The following PTTG1IP variants were observed in gnomAD, a reference collection of about 807,000 sequenced individuals.
The protein encoded by PTTG1IP is pituitary tumor-transforming gene 1 protein-interacting protein.
Under a neutral mutation model 24.4 loss-of-function variants are expected in PTTG1IP, and 16 were observed. The ratio of observed to expected loss-of-function variants is 0.66; its 90% CI spans 0.44 to 1.00. The LOEUF (loss-of-function observed/expected upper bound fraction) is 1.00, where lower values mean the gene tolerates loss of function less well. PTTG1IP is among the 50% of genes least tolerant of loss of function. The probability of loss-of-function intolerance (pLI) is 0.00; values close to 1 mark genes in which losing one functional copy is unlikely to be tolerated. For synonymous variants in PTTG1IP, 89 were observed against 96.8 expected, an observed-to-expected ratio of 0.92 and a Z score of 0.47; for missense variants, 241 against 245.8, an observed-to-expected ratio of 0.98 and a Z score of 0.13.
At chr21:44,860,478 G>A (rs982099040) in intron 3 of PTTG1IP, among the ~76,000 whole-genome samples, 4 of 151,786 alleles carry the variant, frequency 2.6e-5, no homozygotes, top group Non-Finnish European at 5.9e-5. Context: ...AAAGAGGGCT[G>A]TCTACGCAAG....
At chr21:44,859,221 A>G (rs564524323) in intron 3 of PTTG1IP, among the ~76,000 whole-genome samples, 11 of 152,210 alleles carry the variant, frequency 7.2e-5, no homozygotes, top group Admixed American at 5.2e-4. Flanking sequence ...CTCCACATAA[A>G]GGCGGGAACC....
At chr21:44,856,627 C>A (rs1164934040) in intron 3 of PTTG1IP, among the ~76,000 whole-genome samples, 2 of 152,144 alleles carry the variant, frequency 1.3e-5, no homozygotes, top group Non-Finnish European at 2.9e-5. Context: ...TAATATTAAC[C>A]ATAATGAACT....
rs1254448732 is a variant in PTTG1IP at position 44,851,244 on chromosome 21, G to C, written c.*337C>G. On this transcript the variant is annotated 3_prime_UTR_variant, in exon 6 of 6. Coordinates refer to ENST00000330938, the MANE Select transcript of PTTG1IP (RefSeq NM_004339.4). ...GAGAGAAACGCAGGGTTCTGCCCTG[G>C]GAGAATGACAGCCACAGCGCTGGGT... The C allele has an allele frequency of 8.3e-7, 1 of 1,205,464 alleles. No individual in the cohort carries two copies. Among genetic ancestry groups the C allele is most frequent in the Non-Finnish European group, 1.1e-6 (1 of 889,256 alleles). The allele number at this position is 1,205,464 out of a possible 1,614,324, so 74.7% of individuals were successfully genotyped here.
At chr21:44,864,849 T>G (rs2083522754) in intron 2 of PTTG1IP, among the ~76,000 whole-genome samples, 1 of 152,192 alleles carries the variant, frequency 6.6e-6, no homozygotes, top group African/African-American at 2.4e-5. Context: ...CTTAGGGAAC[T>G]TTGCTCCAGA....
chr21:44,851,424 G>A lies in PTTG1IP; in HGVS notation c.*157C>T, dbSNP rs1332932755. The A allele has an allele frequency of 1.3e-6, 2 of 1,591,914 alleles. No individual in the cohort carries two copies. Among genetic ancestry groups the A allele is most frequent in the South Asian group, 1.1e-5 (1 of 89,852 alleles). On this transcript the variant is annotated 3_prime_UTR_variant, in exon 6 of 6. Coordinates refer to ENST00000330938, the MANE Select transcript of PTTG1IP (RefSeq NM_004339.4). ...CACCAGTCTGCAAGACGAGAGGACT[G>A]TCCTTCAGGGGCAGCTCTCCGGCCG...
chr21:44,855,153 G>A (rs1375072552), intron 5 of PTTG1IP, 57 bp downstream of exon 5: 23 of 1,529,888 alleles, frequency 1.5e-5, no homozygotes, highest in Admixed American at 6.7e-5. Context: ...AACGAGGACC[G>A]AGACAGCGTG....
At chr21:44,854,670 C>T (rs114032698) in intron 5 of PTTG1IP, among the ~76,000 whole-genome samples, 218 of 152,354 alleles carry the variant, frequency 1.4e-3, no homozygotes, top group African/African-American at 5.0e-3. Context: ...AAGGTTTACA[C>T]TTGGCAAATA....
In PTTG1IP at chr21:44,851,268, G is replaced by A. The variant is rs575071352; in HGVS notation, c.*313C>T. 1.4e-4 allele frequency: 195 copies of A among 1,348,972 alleles called. 2 individuals carry two copies. In the South Asian group the frequency reaches 2.0e-3, roughly 14 times the overall value. The allele number at this position is 1,348,972 out of a possible 1,614,324, so 83.6% of individuals were successfully genotyped here. On this transcript the variant is annotated 3_prime_UTR_variant, in exon 6 of 6. Transcript: ENST00000330938. ...GGGAGAATGACAGCCACAGCGCTGG[G>A]TGCCGTCAGGCGGCTTCGTGTGCAG...
rs200693153 is a variant in PTTG1IP, at chr21:44,865,395, G to A, written c.168C>T (p.Ser56=). ...KTCEECLKNV[S]CLWCNTNKAC... ...GGTCTCTAGTCCACGTGCTACTTAC[G>A]GAGACGTTCTTCAGGCACTCTTCAC... Residue 56 remains serine, a splice_region_variant and synonymous_variant, in exon 2 of 6, where the codon TCC becomes TCT. Coordinates refer to ENST00000330938, the MANE Select transcript of PTTG1IP (RefSeq NM_004339.4). The A allele has an allele frequency of 6.3e-5, 101 of 1,613,980 alleles. No homozygotes were observed. Among genetic ancestry groups the A allele is most frequent in the Middle Eastern group, 3.3e-4 (2 of 6,082 alleles).
At chr21:44,870,441 A>G (rs1191832965) in intron 1 of PTTG1IP, among the ~76,000 whole-genome samples, 4 of 139,658 alleles carry the variant, frequency 2.9e-5, no homozygotes, top group African/African-American at 1.1e-4. Flanking sequence ...CAGGAGAATC[A>G]CTTGAACCTG....
Position 44,851,549 on chromosome 21 carries a change from A to G in PTTG1IP, c.*32T>C, listed in dbSNP as rs371684583. The G allele has an allele frequency of 4.5e-5, 73 of 1,613,318 alleles. 3 individuals are homozygous for G. The South Asian group carries it at 6.9e-4, about 15-fold the overall frequency. ...CTGGGCTGCGGAGCGTGCACCTCAC[A>G]GGAAGCGTCGGGACTGATGTGCTGG... On this transcript the variant is annotated 3_prime_UTR_variant, in exon 6 of 6. Coordinates refer to ENST00000330938, the MANE Select transcript of PTTG1IP (RefSeq NM_004339.4).
intron 3 of PTTG1IP, among the ~76,000 whole-genome samples, chr21:44,858,616 G>A (rs145979683): frequency 1.7e-3 from 255 of 152,304 alleles, no homozygotes; most frequent in Non-Finnish European, 2.7e-3. Flanking sequence ...CCTGCGTGGC[G>A]TGTGGTGCCC....
At chr21:44,857,962 G>C (rs2146457639) in intron 3 of PTTG1IP, among the ~76,000 whole-genome samples, 1 of 152,320 alleles carries the variant, frequency 6.6e-6, no homozygotes, top group Non-Finnish European at 1.5e-5. Context: ...AGATCAACAA[G>C]ATGGCTGGCC....
chr21:44,855,388 A>G (rs2146454819), intron 4 of PTTG1IP, 132 bp from the exon 5 acceptor site: 1 of 933,176 alleles, frequency 1.1e-6, no homozygotes, highest in East Asian at 2.5e-5. Flanking sequence ...TCCCAGAGTG[A>G]AACCAGGGTG....
At chr21:44,855,846 C>T (rs987186433) in intron 4 of PTTG1IP, among the ~76,000 whole-genome samples, 2 of 152,166 alleles carry the variant, frequency 1.3e-5, no homozygotes, top group Non-Finnish European at 2.9e-5. Context: ...CACAGTCAGA[C>T]GCTGTCCCCT....
Position 44,873,588 on chromosome 21 carries a change from G to C in PTTG1IP, c.29C>G (p.Thr10Arg). The C allele has an allele frequency of 2.1e-6, 3 of 1,459,674 alleles. No homozygotes were observed. Among genetic ancestry groups the C allele is most frequent in the Non-Finnish European group, 2.7e-6 (3 of 1,109,858 alleles). 90.4% of individuals were successfully genotyped at this position (1,459,674 alleles called of 1,614,324 possible). A position where few individuals can be genotyped will look rare whatever the true frequency, so the allele number is the denominator to read the frequency against. ...ACCGAGGCGCAACCTCCAGTACGGC[G>C]TCGGCCCGCGGGCCACTCCGGGCGC... is the stretch of plus-strand genomic sequence containing the variant. MAPGVARGP[T>R]PYWRLRLGGA... The change falls in exon 1 of 6, where the codon ACG becomes AGG. Residue 10 changes from threonine (T) to arginine (R), a missense_variant. Transcript: ENST00000330938.
intron 5 of PTTG1IP, among the ~76,000 whole-genome samples, chr21:44,853,180 G>A (rs576213929): frequency 1.4e-4 from 22 of 152,272 alleles, no homozygotes; most frequent in Admixed American, 2.6e-4. Context: ...GCGCGTGTGC[G>A]TGTGTGTGTA....
At chr21:44,869,042 C>T (rs181226414) in intron 1 of PTTG1IP, among the ~76,000 whole-genome samples, 18 of 152,330 alleles carry the variant, frequency 1.2e-4, no homozygotes, top group Admixed American at 1.1e-3. Flanking sequence ...ATCACTGTGC[C>T]GTGCTCCTGC....
At chr21:44,859,143 T>C (rs966862350) in intron 3 of PTTG1IP, among the ~76,000 whole-genome samples, 1 of 152,156 alleles carries the variant, frequency 6.6e-6, no homozygotes, top group African/African-American at 2.4e-5. Context: ...GAAAGATAAC[T>C]GGTGCAGGCA....
Sources: allele counts gnomAD v4.1 joint callset (sites outside exome capture counted in the v4.1 genomes callset), GRCh38; gene constraint gnomAD v4.1.1; transcripts MANE v1.5; gene names NCBI Gene and HGNC (gene_info 2026-07-23, HGNC 2026-07-21).